The following ARSJ variants were observed in gnomAD, a reference collection of about 807,000 sequenced individuals.
ARSJ encodes arylsulfatase J.
A neutral mutation model predicts 35.9 loss-of-function variants in ARSJ; 26 were observed. The observed-to-expected ratio is 0.72, with a 90% confidence interval of 0.53 to 1.00. ARSJ has a LOEUF of 1.00. ARSJ is among the 50% of genes least tolerant of loss of function. The pLI, the probability that ARSJ is intolerant of heterozygous loss-of-function variation, is 0.00. For synonymous variants in ARSJ, 294 were observed against 267.6 expected, an observed-to-expected ratio of 1.10 and a Z score of -0.96; for missense variants, 667 against 723.6, an observed-to-expected ratio of 0.92 and a Z score of 0.90.
At chr4:113,940,645 T>TAAAA (rs566983455) in intron 1 of ARSJ, among the ~76,000 whole-genome samples, 23,662 of 144,376 alleles carry the variant, frequency 0.16, 2,276 homozygotes, top group Middle Eastern at 0.29. Flanking sequence ...CCCTGGAACT[T>TAAAA]AAAAAAAAAA....
At chr4:113,966,346 A>T (rs946255551) in intron 1 of ARSJ, among the ~76,000 whole-genome samples, 1 of 3,622 alleles carries the variant, frequency 2.8e-4, no homozygotes, top group Non-Finnish European at 0.023. Context: ...ATGCTTTAGT[A>T]GAGATAAAAA....
chr4:113,906,117 T>C lies in ARSJ; in HGVS notation c.399-2442A>G, dbSNP rs191169257. On this transcript the variant is annotated intron_variant, in intron 1 of 1. Coordinates refer to ENST00000315366, the MANE Select transcript of ARSJ (RefSeq NM_024590.4). ...TGACAAATTAGTAAATACCCATTAA[T>C]GGAAACTTGGAGGAAATTAAAAAGG... Among the ~76,000 whole-genome samples the C allele has an allele frequency of 4.1e-4, 62 of 152,340 alleles. 1 individual carries two copies. In the East Asian group the frequency reaches 0.011, roughly 27 times the overall value.
rs1287617582 is a variant in ARSJ, at chr4:113,908,662, T to C, written c.399-4987A>G. On this transcript the variant is annotated intron_variant, in intron 1 of 1. Coordinates refer to ENST00000315366, the MANE Select transcript of ARSJ (RefSeq NM_024590.4). ...ATTAGAACACATCTGAAAAATAGTATTCAATATTTAAGCATGTTCCCCTAA... is the reference window on the plus strand; with the variant it reads ...ATTAGAACACATCTGAAAAATAGTACTCAATATTTAAGCATGTTCCCCTAA... Among the ~76,000 whole-genome samples, 3 of 152,148 alleles carry C rather than the reference T, an allele frequency of 2.0e-5. No homozygotes were observed. The East Asian group carries it at 5.8e-4, about 29-fold the overall frequency.
intron 1 of ARSJ, among the ~76,000 whole-genome samples, chr4:113,930,227 C>T (rs1487807380): frequency 2.6e-5 from 4 of 152,062 alleles, no homozygotes; most frequent in South Asian, 4.1e-4. Context: ...AGGCTGTCTG[C>T]AAGCTGAGGA....
intron 1 of ARSJ, among the ~76,000 whole-genome samples, chr4:113,929,516 T>C (rs1241986296): frequency 2.0e-5 from 3 of 152,264 alleles, no homozygotes; most frequent in African/African-American, 7.2e-5. Flanking sequence ...ACAAACTCAG[T>C]GTCCCCAGGT....
intron 1 of ARSJ, among the ~76,000 whole-genome samples, chr4:113,976,421 G>A (rs1414842661): frequency 3.3e-5 from 5 of 152,090 alleles, no homozygotes; most frequent in African/African-American, 4.8e-5. Flanking sequence ...TTTATGCCTA[G>A]TGTTCCATTA....
intron 1 of ARSJ, among the ~76,000 whole-genome samples, chr4:113,917,609 T>C (rs1723397149): frequency 6.6e-6 from 1 of 152,124 alleles, no homozygotes; most frequent in Non-Finnish European, 1.5e-5. Flanking sequence ...GAATAATAAG[T>C]GATTTGACCT....
chr4:113,922,618 A>G (rs1003756719), intron 1 of ARSJ, among the ~76,000 whole-genome samples: 1 of 152,212 alleles, frequency 6.6e-6, no homozygotes, highest in African/African-American at 2.4e-5. Context: ...TACATTACAG[A>G]AAACAAGAAA....
intron 1 of ARSJ, among the ~76,000 whole-genome samples, chr4:113,925,244 G>A (rs1263727888): frequency 6.6e-6 from 1 of 151,986 alleles, no homozygotes; most frequent in Non-Finnish European, 1.5e-5. Context: ...GAATCTTTAA[G>A]TCTCCTGGTG....
intron 1 of ARSJ, chr4:113,944,346 C>T (rs573727077): frequency 1.9e-4 from 29 of 152,092 alleles, no homozygotes; most frequent in Admixed American, 1.6e-3. Flanking sequence ...AAATGAATAG[C>T]TCTCTTAAAA....
intron 1 of ARSJ, among the ~76,000 whole-genome samples, chr4:113,941,514 T>C (rs1253787410): frequency 6.6e-6 from 1 of 152,034 alleles, no homozygotes; most frequent in Non-Finnish European, 1.5e-5. Flanking sequence ...CTAAAAATCA[T>C]AATTTAATAG....
intron 1 of ARSJ, among the ~76,000 whole-genome samples, chr4:113,924,236 C>A (rs1723910435): frequency 6.6e-6 from 1 of 151,146 alleles, no homozygotes; most frequent in South Asian, 2.1e-4. Flanking sequence ...AACTTGGAGT[C>A]CAACGTTCGA....
chr4:113,911,220 T>A (rs7697632), intron 1 of ARSJ, among the ~76,000 whole-genome samples: 88,526 of 151,940 alleles, frequency 0.58, 27,274 homozygotes, highest in Non-Finnish European at 0.68. Flanking sequence ...TATTAGAATA[T>A]AAGGGGAGAG....
At chr4:113,911,823 G>A (rs953636465) in intron 1 of ARSJ, among the ~76,000 whole-genome samples, 34 of 152,266 alleles carry the variant, frequency 2.2e-4, no homozygotes, top group Admixed American at 3.3e-4. Flanking sequence ...CCTGACACAT[G>A]CATGCACAAA....
intron 1 of ARSJ, among the ~76,000 whole-genome samples, chr4:113,972,423 C>T (rs1240980720): frequency 2.6e-5 from 4 of 151,942 alleles, no homozygotes; most frequent in South Asian, 2.1e-4. Flanking sequence ...TGTCTATGTC[C>T]CTCCTCTACT....
intron 1 of ARSJ, among the ~76,000 whole-genome samples, chr4:113,942,164 G>A (rs1174781964): frequency 6.6e-6 from 1 of 151,886 alleles, no homozygotes; most frequent in Non-Finnish European, 1.5e-5. Flanking sequence ...GATAAAGGTT[G>A]GAAAAGCAAA....
At chr4:113,926,820 G>A (rs1724100398) in intron 1 of ARSJ, among the ~76,000 whole-genome samples, 1 of 152,098 alleles carries the variant, frequency 6.6e-6, no homozygotes, top group African/African-American at 2.4e-5. Flanking sequence ...CCAGTAACAG[G>A]CCAAGAGCTG....
intron 1 of ARSJ, among the ~76,000 whole-genome samples, chr4:113,961,367 T>TA (rs200717621): frequency 0.014 from 2,087 of 152,226 alleles, 52 homozygotes; most frequent in African/African-American, 0.047. Flanking sequence ...TGCTTGTTCT[T>TA]AAAATCTAAG....
At chr4:113,953,634 C>A (rs750082220) in intron 1 of ARSJ, among the ~76,000 whole-genome samples, 6 of 151,922 alleles carry the variant, frequency 3.9e-5, no homozygotes, top group Non-Finnish European at 7.4e-5. Flanking sequence ...ATAAACATGG[C>A]ACCAGATCTA....
Sources: gnomAD v4.1 joint callset for allele counts (sites outside exome capture counted in the v4.1 genomes callset) on GRCh38, gnomAD v4.1.1 for gene constraint, MANE v1.5 for transcripts, NCBI Gene and HGNC (gene_info 2026-07-23, HGNC 2026-07-21) for gene names.